Variants in GNA11 observed in about 807,000 individuals in gnomAD.
GNA11 encodes G protein subunit alpha 11.
GNA11 carries 8 observed loss-of-function variants against 38.2 expected under a neutral mutation model. That is an observed-to-expected ratio of 0.21 (90% CI 0.12 to 0.38). The LOEUF is 0.38. Ranked by LOEUF, GNA11 falls within the 10% of genes least tolerant of loss-of-function variation. The pLI is 1.00. For synonymous variants in GNA11, 211 were observed against 221.4 expected (o/e 0.95, Z 0.42); for missense variants, 268 against 516.3 (o/e 0.52, Z 4.66).
rs1200138500 is a variant in GNA11 at position 3,123,821 on chromosome 19, A to C, written c.*2642A>C. ...ACAAGCTGTTTTTAAGCCTTTTACC[A>C]TTTGAAATGCATGTGTTGTGCGCGT... On this transcript the variant is annotated 3_prime_UTR_variant, in exon 7 of 7. Coordinates refer to ENST00000078429, the MANE Select transcript of GNA11 (RefSeq NM_002067.5). The C allele has an allele frequency of 4.3e-6, 1 of 231,632 alleles. No homozygotes were observed. The highest frequency in any genetic ancestry group is 8.5e-6 in the Non-Finnish European group (1 of 117,130). The allele number at this position is 231,632 out of a possible 1,614,324, so 14.3% of individuals were successfully genotyped here.
intron 1 of GNA11, among the ~76,000 whole-genome samples, chr19:3,109,479 A>G (rs952482190): frequency 9.2e-5 from 14 of 152,200 alleles, no homozygotes; most frequent in African/African-American, 3.4e-4. Context: ...TGTGGGTATT[A>G]GCAAGGTCGT....
chr19:3,103,034 G>T (rs1327012053), intron 1 of GNA11, among the ~76,000 whole-genome samples: 1 of 152,142 alleles, frequency 6.6e-6, no homozygotes, highest in Non-Finnish European at 1.5e-5. Flanking sequence ...GGGCTTCCTG[G>T]CTTCTCGGCC....
rs2145329503 is a variant in GNA11 at position 3,121,204 on chromosome 19, T to A, written c.*25T>A. 1.3e-6 allele frequency: 2 copies of A among 1,583,614 alleles called. No homozygotes were observed. The highest frequency in any genetic ancestry group is 1.7e-6 in the Non-Finnish European group (2 of 1,156,618). On this transcript the variant is annotated 3_prime_UTR_variant, in exon 7 of 7. Coordinates refer to ENST00000078429, the MANE Select transcript of GNA11 (RefSeq NM_002067.5). ...AGCGCCCAGGCCCAGGGAGACGGGA[T>A]GGAGACACGGGGCAGGACCTTCCTT...
Position 3,108,717 on chromosome 19 carries a change from AT to A in GNA11, c.137-1431del, listed in dbSNP as rs1439975005. On this transcript the variant is annotated intron_variant, in intron 1 of 6. Coordinates refer to ENST00000078429, the MANE Select transcript of GNA11 (RefSeq NM_002067.5). The surrounding 1 kb of genome is among the most constrained non-coding windows in gnomAD (Gnocchi z 4.5). ...CTTAAATTAACAAAACTTATTTCAG[AT>A]AGTTTCTGAGGGTTGGGAATGTGGG... 6.6e-6 allele frequency among the ~76,000 whole-genome samples: 1 copy of A among 152,210 alleles called. No homozygotes were observed. Among genetic ancestry groups the A allele is most frequent in the Non-Finnish European group, 1.5e-5 (1 of 68,036 alleles).
At chr19:3,111,790 C>T (rs1191268615) in intron 2 of GNA11, among the ~76,000 whole-genome samples, 2 of 152,214 alleles carry the variant, frequency 1.3e-5, no homozygotes, top group Non-Finnish European at 2.9e-5. Context: ...AGCAGCCGTG[C>T]AGCCGTGGCT....
chr19:3,112,507 C>T lies in GNA11; in HGVS notation c.322-823C>T, dbSNP rs952072964. 1.1e-4 allele frequency among the ~76,000 whole-genome samples: 17 copies of T among 152,186 alleles called. No homozygotes were observed. In the South Asian group the frequency reaches 1.4e-3, roughly 13 times the overall value. On this transcript the variant is annotated intron_variant, in intron 2 of 6. Coordinates refer to ENST00000078429, the MANE Select transcript of GNA11 (RefSeq NM_002067.5). ...CATGTCGGCCTGTGCGCCCCGGGGA[C>T]GGGGACACAGAGCATCAGGAGGGGA...
At chr19:3,113,729 G>A (rs915321049) in intron 3 of GNA11, among the ~76,000 whole-genome samples, 1 of 152,186 alleles carries the variant, frequency 6.6e-6, no homozygotes, top group African/African-American at 2.4e-5. Context: ...TGGCCCTGCC[G>A]CTGCCCTCCC....
At position 3,119,429 on chromosome 19, in the gene GNA11, G is replaced by A; in HGVS notation, c.889+70G>A. 2 of 1,447,592 alleles carry A rather than the reference G, an allele frequency of 1.4e-6. No homozygotes were observed. The highest frequency in any genetic ancestry group is 1.9e-6 in the Non-Finnish European group (2 of 1,044,356). The allele number at this position is 1,447,592 out of a possible 1,614,324, so 89.7% of individuals were successfully genotyped here. On this transcript the variant is annotated intron_variant, in intron 6 of 6. Coordinates refer to ENST00000078429, the MANE Select transcript of GNA11 (RefSeq NM_002067.5). The surrounding 1 kb of genome is among the most constrained non-coding windows in gnomAD (Gnocchi z 4.6). ...TACTGGGGGGAGGGGGCTGATATGG[G>A]AGAGGGGCTCATACAGGCCGGGAGC...
In GNA11 at chr19:3,119,069, A is replaced by G. The variant is rs754114633; in HGVS notation, c.735+16A>G. The G allele has an allele frequency of 3.1e-6, 5 of 1,612,044 alleles. No homozygotes were observed. The East Asian group carries it at 1.1e-4, about 36-fold the overall frequency. On this transcript the variant is annotated intron_variant, in intron 5 of 6. Transcript: ENST00000078429. This position sits in a 1 kb window ranked among gnomAD's most constrained non-coding sequence, Gnocchi z 4.6. ...GGACAACGAGGTGGGCCCTGCCCTG[A>G]GCAGGGGCAGCGTTGGGGGCCGGGC...
chr19:3,111,590 G>C (rs1258414164), intron 2 of GNA11, among the ~76,000 whole-genome samples: 1 of 152,248 alleles, frequency 6.6e-6, no homozygotes, highest in East Asian at 1.9e-4. Flanking sequence ...GTGCCTTCAT[G>C]TGTGGGCTGT....
chr19:3,118,835 C>A, intron 4 of GNA11, 89 bp from the exon 5 acceptor site: 1 of 1,194,032 alleles, frequency 8.4e-7, no homozygotes, highest in Non-Finnish European at 1.2e-6. Flanking sequence ...TCTGGTGTGG[C>A]AGGAGGGGCT....
chr19:3,101,257 G>A (rs552088141), intron 1 of GNA11, among the ~76,000 whole-genome samples: 9 of 152,288 alleles, frequency 5.9e-5, no homozygotes, highest in Admixed American at 2.0e-4. Flanking sequence ...CCCCGCCACC[G>A]AGCGGGACTT....
chr19:3,110,293 T>C lies in GNA11; in HGVS notation c.281T>C (p.Met94Thr). ...GCCATGCAGGCCATGATCCGGGCCA[T>C]GGAGACGCTCAAGATCCTCTACAAG... is the stretch of plus-strand genomic sequence containing the variant. ...FTAMQAMIRA[M>T]ETLKILYKYE... Residue 94 changes from methionine (M) to threonine (T), a missense_variant, in exon 2 of 7, where the codon ATG (methionine) becomes ACG (threonine). Met to Thr is a moderately conservative substitution (Grantham distance 81). Around this residue, in one of 3 missense-constraint regions of GNA11, gnomAD observed 151 missense variants for 254.0 expected, o/e 0.59. Transcript: ENST00000078429. The surrounding 1 kb of genome is among the most constrained non-coding windows in gnomAD (Gnocchi z 5.4). 6.2e-7 allele frequency: 1 copy of C among 1,613,958 alleles called. No homozygotes were observed. Among genetic ancestry groups the C allele is most frequent in the Non-Finnish European group, 8.5e-7 (1 of 1,179,908 alleles).
rs757863889 is a variant in GNA11 at position 3,094,795 on chromosome 19, C to A, written c.136+8C>A. On this transcript the variant is annotated splice_region_variant and intron_variant, in intron 1 of 6. Transcript: ENST00000078429. This position sits in a 1 kb window ranked among gnomAD's most constrained non-coding sequence, Gnocchi z 6.0. ...TCAAGCTGCTGCTGCTCGGTGAGTG[C>A]GGCCCCCGGGCCTGCCGGCTGCGGG... 2 of 1,565,872 alleles carry A rather than the reference C, an allele frequency of 1.3e-6. No homozygotes were observed. Among genetic ancestry groups the A allele is most frequent in the East Asian group, 2.5e-5 (1 of 40,804 alleles).
intron 1 of GNA11, among the ~76,000 whole-genome samples, chr19:3,099,374 G>A (rs576268814): frequency 1.3e-5 from 2 of 152,210 alleles, no homozygotes; most frequent in Admixed American, 6.5e-5. Context: ...CGGTGGATGC[G>A]ATTAGGGGCG....
intron 1 of GNA11, among the ~76,000 whole-genome samples, chr19:3,102,742 C>T (rs1211528281): frequency 6.6e-6 from 1 of 152,160 alleles, no homozygotes; most frequent in African/African-American, 2.4e-5. Flanking sequence ...GAGGGGCGTC[C>T]GTCCTCCGCT....
chr19:3,094,663 G>T lies in GNA11; in HGVS notation c.12G>T (p.Glu4Asp). Residue 4 changes from glutamate to aspartate, a missense_variant, in exon 1 of 7, where the codon GAG becomes GAT. Around this residue, in one of 3 missense-constraint regions of GNA11, gnomAD observed 151 missense variants for 254.0 expected, o/e 0.59. Coordinates refer to ENST00000078429, the MANE Select transcript of GNA11 (RefSeq NM_002067.5). The surrounding 1 kb of genome is among the most constrained non-coding windows in gnomAD (Gnocchi z 6.0). The stretch of plus-strand genomic sequence containing the variant: ...CCGGGGCCGGGACGATGACTCTGGA[G>T]TCCATGATGGCGTGTTGCCTGAGCG... MTL[E>D]SMMACCLSDE... 6 of 1,539,702 alleles carry T rather than the reference G, an allele frequency of 3.9e-6. No individual in the cohort carries two copies. The highest frequency in any genetic ancestry group is 5.2e-6 in the Non-Finnish European group (6 of 1,143,040).
chr19:3,119,703 A>T lies in GNA11; in HGVS notation c.889+344A>T, dbSNP rs1235566222. Among the ~76,000 whole-genome samples the T allele has an allele frequency of 2.0e-5, 3 of 150,928 alleles. No homozygotes were observed. Among genetic ancestry groups the T allele is most frequent in the African/African-American group, 7.3e-5 (3 of 40,912 alleles). ...GGCACCATGGGAGGGGGAGTCTTGT[A>T]TTGGTGGGTCTTGTACGGGAGGGAG... On this transcript the variant is annotated intron_variant, in intron 6 of 6. Transcript: ENST00000078429. This position sits in a 1 kb window ranked among gnomAD's most constrained non-coding sequence, Gnocchi z 4.6.
rs763661271 is a variant in GNA11, at chr19:3,115,079, C to G, written c.605+7C>G. On this transcript the variant is annotated splice_region_variant and intron_variant, in intron 4 of 6. Coordinates refer to ENST00000078429, the MANE Select transcript of GNA11 (RefSeq NM_002067.5). ...TGGAGAACATCATCTTCCGGTACCG[C>G]CCGGGCCACAGCAGGCGGGGAGGGG... 6.2e-7 allele frequency: 1 copy of G among 1,606,052 alleles called. No individual in the cohort carries two copies. Among genetic ancestry groups the G allele is most frequent in the South Asian group, 1.1e-5 (1 of 88,452 alleles).
Sources: allele counts gnomAD v4.1 joint callset (sites outside exome capture counted in the v4.1 genomes callset), GRCh38; gene constraint gnomAD v4.1.1; regional missense constraint gnomAD v4.1.1; non-coding constraint Gnocchi (gnomAD v3.1); transcripts MANE v1.5; gene names NCBI Gene and HGNC (gene_info 2026-07-23, HGNC 2026-07-21).